FTO: variants seen among roughly 807,000 people sequenced by gnomAD.
The protein encoded by FTO is FTO alpha-ketoglutarate dependent dioxygenase.
Under a neutral mutation model 63.9 loss-of-function variants are expected in FTO, and 47 were observed. That is an observed-to-expected ratio of 0.74 (90% CI 0.58 to 0.94). The LOEUF (loss-of-function observed/expected upper bound fraction) is 0.94, where lower values mean the gene tolerates loss of function less well. Among genes scored for constraint, FTO ranks in the 40% least tolerant of loss-of-function variants. The probability of loss-of-function intolerance (pLI) is 0.00; values close to 1 mark genes in which losing one functional copy is unlikely to be tolerated. For synonymous variants in FTO, 207 were observed against 224.4 expected, an observed-to-expected ratio of 0.92 and a Z score of 0.69; for missense variants, 562 against 618.1, an observed-to-expected ratio of 0.91 and a Z score of 0.96.
chr16:53,922,267 G>A lies in FTO; in HGVS notation c.1240-11718G>A, dbSNP rs572463704. ...GTTTATTAGTTGGGTTGCTCATCCTGAAAAGCAGCAGCATATCCCAAGGAA... is the reference window on the plus strand; with the variant it reads ...GTTTATTAGTTGGGTTGCTCATCCTAAAAAGCAGCAGCATATCCCAAGGAA... On this transcript the variant is annotated intron_variant, in intron 7 of 8. Transcript: ENST00000471389. Among the ~76,000 whole-genome samples, 87 of 152,240 alleles carry A rather than the reference G, an allele frequency of 5.7e-4. 1 individual carries two copies. The highest frequency in any genetic ancestry group is 2.0e-3 in the African/African-American group (85 of 41,558).
intron 8 of FTO, among the ~76,000 whole-genome samples, chr16:54,057,206 C>G (rs1371661894): frequency 6.6e-6 from 1 of 152,248 alleles, no homozygotes; most frequent in African/African-American, 2.4e-5. Context: ...CTAACTTTCA[C>G]TTAGCTTAGC....
At chr16:53,891,081 C>T (rs1466940320) in intron 7 of FTO, among the ~76,000 whole-genome samples, 5 of 151,656 alleles carry the variant, frequency 3.3e-5, no homozygotes, top group Non-Finnish European at 5.9e-5. Context: ...ACCTCCGCCT[C>T]CCGAGTTCAA....
intron 8 of FTO, among the ~76,000 whole-genome samples, chr16:54,006,592 A>G (rs1322058147): frequency 6.6e-6 from 1 of 152,230 alleles, no homozygotes; most frequent in Non-Finnish European, 1.5e-5. Flanking sequence ...TCATTATCCC[A>G]CATGGAAATG....
intron 8 of FTO, among the ~76,000 whole-genome samples, chr16:54,094,550 A>G (rs1380676355): frequency 6.6e-6 from 1 of 152,234 alleles, no homozygotes; most frequent in African/African-American, 2.4e-5. Flanking sequence ...CACGGCACCA[A>G]AAAGAAAAAG....
chr16:53,790,982 A>T (rs1018851120), intron 1 of FTO, among the ~76,000 whole-genome samples: 1 of 152,202 alleles, frequency 6.6e-6, no homozygotes, highest in Admixed American at 6.5e-5. Context: ...AGCTTAGGTT[A>T]TAGGAATAAA....
At chr16:53,813,216 CTTT>C (rs72112859) in intron 2 of FTO, among the ~76,000 whole-genome samples, 3 of 144,978 alleles carry the variant, frequency 2.1e-5, no homozygotes, top group Admixed American at 1.4e-4. Context: ...TTTTTCTTTT[CTTT>C]TTTTTTTTTT....
chr16:53,879,752 C>T, intron 5 of FTO, 92 bp from the exon 6 acceptor site: 1 of 1,322,712 alleles, frequency 7.6e-7, no homozygotes, highest in Non-Finnish European at 1.1e-6. Flanking sequence ...GGTGAATTCA[C>T]AGCCAGGGAC....
intron 2 of FTO, among the ~76,000 whole-genome samples, chr16:53,815,404 G>GT (rs2078646753): frequency 6.6e-6 from 1 of 151,912 alleles, no homozygotes; most frequent in Non-Finnish European, 1.5e-5. Context: ...CTCTCAAATT[G>GT]TTTTTTCTTT....
chr16:54,022,399 T>G (rs1443790516), intron 8 of FTO, among the ~76,000 whole-genome samples: 1 of 152,226 alleles, frequency 6.6e-6, no homozygotes, highest in African/African-American at 2.4e-5. Context: ...CTAGTCTTTT[T>G]TTTTTAATGT....
intron 8 of FTO, among the ~76,000 whole-genome samples, chr16:53,989,923 ATAGTAAATACATTTTCTCT>A (rs1248172695): frequency 6.6e-6 from 1 of 152,048 alleles, no homozygotes; most frequent in Non-Finnish European, 1.5e-5. Flanking sequence ...CACTTAATGA[ATAGTAAATACATTTTCTCT>A]TCTTCGTGAT....
At chr16:54,103,636 G>A (rs1319504834) in intron 8 of FTO, among the ~76,000 whole-genome samples, 1 of 152,258 alleles carries the variant, frequency 6.6e-6, no homozygotes, top group African/African-American at 2.4e-5. Flanking sequence ...TATTTGACAT[G>A]CTGACTTGAT....
At chr16:54,063,530 C>T (rs1406760529) in intron 8 of FTO, 1 of 152,108 alleles carries the variant, frequency 6.6e-6, no homozygotes, top group African/African-American at 2.4e-5. Flanking sequence ...TCCTTGAGAT[C>T]ACAAATGCCG....
intron 3 of FTO, among the ~76,000 whole-genome samples, chr16:53,840,536 CT>C (rs2079444903): frequency 6.6e-6 from 1 of 152,166 alleles, no homozygotes; most frequent in African/African-American, 2.4e-5. Context: ...GAAACAAGTA[CT>C]TTTGGCTTTG....
chr16:54,096,036 G>A (rs62034138), intron 8 of FTO, among the ~76,000 whole-genome samples: 33,905 of 152,136 alleles, frequency 0.22, 4,153 homozygotes, highest in East Asian at 0.49. Flanking sequence ...TAGCATGTAA[G>A]CGCCACAAAA....
At chr16:53,852,215 A>G (rs552568875) in intron 4 of FTO, among the ~76,000 whole-genome samples, 3 of 151,710 alleles carry the variant, frequency 2.0e-5, no homozygotes, top group African/African-American at 7.3e-5. Flanking sequence ...GGTTGAGCCT[A>G]AAGGGAACTG....
At chr16:53,927,511 T>C (rs568317473) in intron 7 of FTO, among the ~76,000 whole-genome samples, 1 of 152,204 alleles carries the variant, frequency 6.6e-6, no homozygotes, top group East Asian at 1.9e-4. Flanking sequence ...CGCTTGAAGG[T>C]AGAAGCGTAG....
chr16:53,858,569 A>G (rs912125457), intron 4 of FTO, among the ~76,000 whole-genome samples: 16 of 152,156 alleles, frequency 1.1e-4, no homozygotes, highest in Non-Finnish European at 4.4e-5. Context: ...TTTTTTTAGA[A>G]TTAACTTTTA....
At chr16:53,835,426 T>C (rs1307232956) in intron 3 of FTO, among the ~76,000 whole-genome samples, 1 of 152,226 alleles carries the variant, frequency 6.6e-6, no homozygotes, top group Non-Finnish European at 1.5e-5. Context: ...ACCTTAAATG[T>C]CTTCAATCAT....
intron 8 of FTO, among the ~76,000 whole-genome samples, chr16:53,986,134 T>C (rs1216314070): frequency 1.3e-5 from 2 of 152,210 alleles, no homozygotes; most frequent in African/African-American, 4.8e-5. Flanking sequence ...ACTATTCTAC[T>C]TTCGAAATAA....
Sources: gnomAD v4.1 joint callset for allele counts (sites outside exome capture counted in the v4.1 genomes callset) on GRCh38, gnomAD v4.1.1 for gene constraint, MANE v1.5 for transcripts, NCBI Gene and HGNC (gene_info 2026-07-23, HGNC 2026-07-21) for gene names.